HAUS5: variants seen among roughly 807,000 people sequenced by gnomAD.
HAUS5 encodes HAUS augmin-like complex subunit 5.
In HAUS5, 67 loss-of-function variants were observed where a neutral mutation model predicts 94.1. That is an observed-to-expected ratio of 0.71 (90% CI 0.58 to 0.87). The LOEUF (loss-of-function observed/expected upper bound fraction) is 0.87. Among genes scored for constraint, HAUS5 ranks in the 40% least tolerant of loss-of-function variants. The probability of loss-of-function intolerance (pLI) is 0.00; values close to 1 mark genes in which losing one functional copy is unlikely to be tolerated. For synonymous variants in HAUS5, 339 were observed against 355.4 expected (o/e 0.95, Z 0.52); for missense variants, 739 against 825.6 (o/e 0.90, Z 1.29).
chr19:35,618,773 C>A, intron 12 of HAUS5, 74 bp downstream of exon 12: 2 of 1,526,776 alleles, frequency 1.3e-6, no homozygotes, highest in Non-Finnish European at 1.8e-6. Context: ...ACTTTTTCAG[C>A]CTCTGTGGCT....
rs934742173 is a variant in HAUS5, at chr19:35,622,660, C to G, written c.1711C>G (p.Leu571Val). Residue 571 changes from leucine to valine, a missense_variant, in exon 18 of 19, where the codon CTG (leucine) becomes GTG (valine). Transcript: ENST00000203166. ...GCAGAAAGAGAACCTGGGGCAGGCT[C>G]TGAAGAGGCTGGAGAAGCTACTGAA... ...KQQKENLGQA[L>V]KRLEKLLKQA... is the part of the protein sequence containing the mutation. 7 of 1,614,022 alleles carry G rather than the reference C, an allele frequency of 4.3e-6. No homozygotes were observed. Among genetic ancestry groups the G allele is most frequent in the Non-Finnish European group, 5.9e-6 (7 of 1,179,996 alleles).
chr19:35,621,011 G>A (rs1967201307), intron 17 of HAUS5, among the ~76,000 whole-genome samples: 1 of 152,176 alleles, frequency 6.6e-6, no homozygotes, highest in Admixed American at 6.5e-5. Context: ...CCAAATACTG[G>A]GTGTCTACCA....
intron 1 of HAUS5, among the ~76,000 whole-genome samples, chr19:35,613,095 C>A (rs2146332931): frequency 6.6e-6 from 1 of 152,252 alleles, no homozygotes; most frequent in South Asian, 2.1e-4. Context: ...TAGCTAAGAC[C>A]TCGCTCCTTA....
intron 17 of HAUS5, 70 bp downstream of exon 17, chr19:35,620,397 T>C (rs986040274): frequency 7.0e-7 from 1 of 1,435,404 alleles, no homozygotes; most frequent in African/African-American, 1.4e-5. Flanking sequence ...CACGAGTCCT[T>C]ACCAGCAACC....
chr19:35,617,792 T>C (rs2071957890), intron 8 of HAUS5, 63 bp from the exon 9 acceptor site: 35 of 1,385,474 alleles, frequency 2.5e-5, no homozygotes, highest in Non-Finnish European at 3.2e-5. Context: ...AGGGTGGTGG[T>C]GATAACTAGA....
Position 35,613,838 on chromosome 19 carries a change from G to GT in HAUS5, c.162-29dup. 1.9e-6 allele frequency: 3 copies of GT among 1,614,098 alleles called. No individual in the cohort carries two copies. In the South Asian group the frequency reaches 3.3e-5, roughly 18 times the overall value. ...GGAGGGGGCACAGGTGAGGCCCATA[G>GT]TAACTCCTCTTTCTGCCTCTGCACT... On this transcript the variant is annotated intron_variant, in intron 2 of 18. Coordinates refer to ENST00000203166, the MANE Select transcript of HAUS5 (RefSeq NM_015302.2).
intron 17 of HAUS5, among the ~76,000 whole-genome samples, chr19:35,621,969 A>T (rs1967215158): frequency 6.6e-6 from 1 of 152,160 alleles, no homozygotes; most frequent in Admixed American, 6.5e-5. Context: ...TCCCAGAGGA[A>T]AGCACCGCTA....
In HAUS5 at chr19:35,618,806, G is replaced by T. The variant is rs1028666386; in HGVS notation, c.1017-81G>T. The T allele has an allele frequency of 2.6e-6, 4 of 1,522,496 alleles. No individual in the cohort carries two copies. The African/African-American group carries it at 5.5e-5, about 21-fold the overall frequency. 94.3% of individuals were successfully genotyped at this position (1,522,496 alleles called of 1,614,324 possible). On this transcript the variant is annotated intron_variant, in intron 12 of 18. Transcript: ENST00000203166. ...GCTCCTATCTCTGCCTCCTCTCCCT[G>T]CAGTGTCTCTCCCTGGTTTATGGTC...
At position 35,624,067 on chromosome 19, in the gene HAUS5, G is replaced by A. The variant is rs1416045686; in HGVS notation, c.*1074G>A. On this transcript the variant is annotated 3_prime_UTR_variant, in exon 19 of 19. Coordinates refer to ENST00000203166, the MANE Select transcript of HAUS5 (RefSeq NM_015302.2). ...CTACAGTAGCTTAATAGAAAGGCTT[G>A]TGACACATTGTCATATCTGTTCTTG... 6.7e-6 allele frequency: 1 copy of A among 149,382 alleles called. No homozygotes were observed. Among genetic ancestry groups the A allele is most frequent in the African/African-American group, 2.5e-5 (1 of 40,442 alleles). 9.3% of individuals were successfully genotyped at this position (149,382 alleles called of 1,614,324 possible).
rs924652076 is a variant in HAUS5 at position 35,623,818 on chromosome 19, T to C, written c.*825T>C. 2 of 152,208 alleles carry C rather than the reference T, an allele frequency of 1.3e-5. No individual in the cohort carries two copies. Among genetic ancestry groups the C allele is most frequent in the African/African-American group, 4.8e-5 (2 of 41,446 alleles). The allele number at this position is 152,208 out of a possible 1,614,324, so 9.4% of individuals were successfully genotyped here. On this transcript the variant is annotated 3_prime_UTR_variant, in exon 19 of 19. Transcript: ENST00000203166. The stretch of plus-strand genomic sequence containing the variant: ...TGTCCTAGCTGATGGGAATGTGCTG[T>C]GTCAAGAGCAGCGGCGGTGACGCAG...
In HAUS5 at chr19:35,624,102, G is replaced by C. The variant is rs201235367; in HGVS notation, c.*1109G>C. 1 of 103,980 alleles carries C rather than the reference G, an allele frequency of 9.6e-6. No homozygotes were observed. Among genetic ancestry groups the C allele is most frequent in the Non-Finnish European group, 1.8e-5 (1 of 55,238 alleles). 6.4% of individuals were successfully genotyped at this position (103,980 alleles called of 1,614,324 possible). A position where few individuals can be genotyped will look rare whatever the true frequency, so the allele number is the denominator to read the frequency against. ...GTCATATCTGTTCTTGTTTTCTTTT[G>C]TTTTTTTTTTTTTTTTTTTTGAGAT... On this transcript the variant is annotated 3_prime_UTR_variant, in exon 19 of 19. Transcript: ENST00000203166.
chr19:35,615,532 C>A, intron 6 of HAUS5, 146 bp downstream of exon 6: 1 of 649,206 alleles, frequency 1.5e-6, no homozygotes, highest in African/African-American at 1.8e-5. Flanking sequence ...GTTTTGTCAT[C>A]TCAGTCACCT....
rs1232785253 is a variant in HAUS5 at position 35,617,134 on chromosome 19, G to C, written c.496G>C (p.Val166Leu). ...RLQDMERKAK[V>L]DVTFGSLTSA... ...CACTTCTCCCTCCAGGAAAGCCAAA[G>C]TAGATGTGACCTTTGGATCCCTCAC... Residue 166 changes from valine (V) to leucine (L), a missense_variant, in exon 7 of 19, where the codon GTA becomes CTA. Transcript: ENST00000203166. 1.9e-6 allele frequency: 3 copies of C among 1,613,498 alleles called. No individual in the cohort carries two copies. The East Asian group carries it at 6.7e-5, about 36-fold the overall frequency.
chr19:35,618,489 A>C, intron 11 of HAUS5, 24 bp downstream of exon 11: 1 of 1,590,244 alleles, frequency 6.3e-7, no homozygotes, highest in Middle Eastern at 1.7e-4. Context: ...TCGCCTCCCC[A>C]CCACATTCCA....
At position 35,622,921 on chromosome 19, in the gene HAUS5, G is replaced by A; in HGVS notation, c.1830G>A (p.Gln610=). 1 of 1,614,056 alleles carries A rather than the reference G, an allele frequency of 6.2e-7. No individual in the cohort carries two copies. The highest frequency in any genetic ancestry group is 1.1e-5 in the South Asian group (1 of 91,082). ...CCGCCCTCTCTGAGGAGCTCTGCCAGGGCCTGTCCCTGCCCCAGTGGCGGC... is the reference window on the plus strand; with the variant it reads ...CCGCCCTCTCTGAGGAGCTCTGCCAAGGCCTGTCCCTGCCCCAGTGGCGGC... ...GQAALSEELC[Q]GLSLPQWRLR... The change falls in exon 19 of 19, where the codon CAG becomes CAA. Residue 610 remains glutamine, a synonymous_variant. Coordinates refer to ENST00000203166, the MANE Select transcript of HAUS5 (RefSeq NM_015302.2).
At chr19:35,616,594 T>G (rs908154267) in intron 6 of HAUS5, among the ~76,000 whole-genome samples, 2 of 152,080 alleles carry the variant, frequency 1.3e-5, no homozygotes, top group Non-Finnish European at 2.9e-5. Context: ...CTTGGCTCAC[T>G]GCAACCTCTG....
intron 12 of HAUS5, 30 bp downstream of exon 12, chr19:35,618,729 G>A (rs1235388785): frequency 2.6e-6 from 4 of 1,554,078 alleles, no homozygotes; most frequent in Non-Finnish European, 3.5e-6. Context: ...GAGGTCTCTA[G>A]GCCATCTCGC....
chr19:35,615,856 G>C (rs2071938055), intron 6 of HAUS5, among the ~76,000 whole-genome samples: 1 of 152,208 alleles, frequency 6.6e-6, no homozygotes, highest in South Asian at 2.1e-4. Context: ...GAGGTGGTGT[G>C]CTCAGCATGC....
In HAUS5 at chr19:35,612,889, G is replaced by A. The variant is rs372977236; in HGVS notation, c.95G>A (p.Arg32His). The A allele has an allele frequency of 1.1e-5, 17 of 1,543,316 alleles. No homozygotes were observed. The African/African-American group carries it at 2.3e-4, about 21-fold the overall frequency. Residue 32 changes from arginine (R) to histidine (H), a missense_variant, in exon 1 of 19, where the codon CGC becomes CAC. By Grantham distance (29) the Arg-to-His change is conservative. Coordinates refer to ENST00000203166, the MANE Select transcript of HAUS5 (RefSeq NM_015302.2). ...VAARAPESTL[R>H]RLCLGQGADI... ...GCCCGGGCCCCGGAATCGACGCTGC[G>A]CAGGTGAGGACCGCTCCTGGAGTGA... is the stretch of plus-strand genomic sequence containing the variant.
Sources: gnomAD v4.1 joint callset for allele counts (sites outside exome capture counted in the v4.1 genomes callset) on GRCh38, gnomAD v4.1.1 for gene constraint, MANE v1.5 for transcripts, NCBI Gene and HGNC (gene_info 2026-07-23, HGNC 2026-07-21) for gene names.